SYNE2: variants seen among roughly 807,000 people sequenced by gnomAD.
SYNE2 encodes nesprin-2.
A neutral mutation model predicts 856.3 loss-of-function variants in SYNE2; 431 were observed. The ratio of observed to expected loss-of-function variants is 0.50; its 90% CI spans 0.47 to 0.55. The LOEUF is 0.55. Ranked by LOEUF, SYNE2 falls within the 20% of genes least tolerant of loss-of-function variation. The pLI, the probability that SYNE2 is intolerant of heterozygous loss-of-function variation, is 0.00. For missense variants in SYNE2, 8,129 were observed against 8,023.2 expected (o/e 1.01, Z -0.50); for synonymous variants, 2,923 against 2,872.3 (o/e 1.02, Z -0.56).
At chr14:64,124,682 A>G (rs956610351) in intron 70 of SYNE2, among the ~76,000 whole-genome samples, 2 of 152,232 alleles carry the variant, frequency 1.3e-5, no homozygotes, top group Admixed American at 1.3e-4. Flanking sequence ...AGAAGACAGC[A>G]TGCTAAGGCA....
At chr14:63,925,138 AAAAT>A (rs977988444) in intron 2 of SYNE2, among the ~76,000 whole-genome samples, 1 of 151,626 alleles carries the variant, frequency 6.6e-6, no homozygotes, top group Non-Finnish European at 1.5e-5. Flanking sequence ...CCTGTCTCTA[AAAAT>A]AAATAGATAG....
At chr14:63,835,801 T>C (rs894012929) in intron 1 of SYNE2, among the ~76,000 whole-genome samples, 5 of 151,980 alleles carry the variant, frequency 3.3e-5, no homozygotes, top group Admixed American at 6.6e-5. Flanking sequence ...CTCACCAACA[T>C]GGAGAAACCC....
chr14:64,128,171 C>T (rs1473299310), intron 73 of SYNE2, among the ~76,000 whole-genome samples: 6 of 151,930 alleles, frequency 3.9e-5, no homozygotes, highest in Admixed American at 1.3e-4. Context: ...TATACTGAAA[C>T]GTATACTGAT....
At chr14:64,186,675 C>G (rs1309463834) in intron 97 of SYNE2, 96 bp downstream of exon 97, 13 of 1,555,990 alleles carry the variant, frequency 8.4e-6, no homozygotes, top group Non-Finnish European at 1.1e-5. Flanking sequence ...TTCATTGAAC[C>G]GGAGGCCCTT....
chr14:64,058,332 T>C (rs1236289760), intron 49 of SYNE2, among the ~76,000 whole-genome samples: 1 of 152,202 alleles, frequency 6.6e-6, no homozygotes, highest in African/African-American at 2.4e-5. Flanking sequence ...TTTTTCTGGA[T>C]GAAGATATAG....
intron 109 of SYNE2, 84 bp from the exon 110 acceptor site, chr14:64,219,124 T>TTTTTTTTTTTAA: frequency 1.2e-6 from 1 of 845,414 alleles, no homozygotes; most frequent in Non-Finnish European, 1.8e-6. Flanking sequence ...TTTTTTTTTT[T>TTTTTTTTTTTAA]AACCACCCTG....
intron 1 of SYNE2, among the ~76,000 whole-genome samples, chr14:63,778,603 C>G (rs897472143): frequency 3.3e-5 from 5 of 152,104 alleles, no homozygotes; most frequent in African/African-American, 9.7e-5. Flanking sequence ...CAGCTTCAAC[C>G]TCCTGGGTTT....
chr14:64,101,738 G>A (rs2097731419), intron 63 of SYNE2, among the ~76,000 whole-genome samples, 194 bp from the exon 64 acceptor site: 1 of 152,136 alleles, frequency 6.6e-6, no homozygotes, highest in African/African-American at 2.4e-5. Context: ...TTTAGGAAGA[G>A]CAGCCACATT....
At chr14:64,202,128 G>A (rs1030973773) in intron 99 of SYNE2, 4 of 698,044 alleles carry the variant, frequency 5.7e-6, no homozygotes, top group South Asian at 3.0e-5. Context: ...AGACTGGCGA[G>A]GGAGATCACA....
intron 97 of SYNE2, 141 bp from the exon 98 acceptor site, chr14:64,188,409 G>A: frequency 1.1e-6 from 1 of 873,214 alleles, no homozygotes; most frequent in Non-Finnish European, 1.9e-6. Context: ...TAAACCCTAG[G>A]TTTAGAAGAG....
At chr14:63,889,129 G>A (rs1390141080) in intron 1 of SYNE2, among the ~76,000 whole-genome samples, 1 of 148,770 alleles carries the variant, frequency 6.7e-6, no homozygotes, top group African/African-American at 2.5e-5. Flanking sequence ...GTGGCATTTG[G>A]ATGGTGAAGC....
At chr14:63,893,691 A>G (rs2095189031) in intron 1 of SYNE2, among the ~76,000 whole-genome samples, 1 of 152,232 alleles carries the variant, frequency 6.6e-6, no homozygotes, top group African/African-American at 2.4e-5. Context: ...TAAAGATAAA[A>G]CAGCAAGCAA....
chr14:64,013,113 C>T (rs368005455), intron 32 of SYNE2, among the ~76,000 whole-genome samples: 1 of 152,170 alleles, frequency 6.6e-6, no homozygotes, highest in Non-Finnish European at 1.5e-5. Context: ...TCCTTCCATT[C>T]GCTGTAAAAC....
In SYNE2 at chr14:63,983,813, A is replaced by AAG. The variant is rs1162783765; in HGVS notation, c.2082_2083dup (p.Lys695ArgfsTer13). 1 of 1,610,390 alleles carries AAG rather than the reference A, an allele frequency of 6.2e-7. No individual in the cohort carries two copies. Among genetic ancestry groups the AAG allele is most frequent in the South Asian group, 1.1e-5 (1 of 90,804 alleles). ...AATTCTGGAAATATTCTATCTAAAGAAGAGAAAGCAACTGTTGAGTTTTCA... is the reference window on the plus strand; with the variant it reads ...AATTCTGGAAATATTCTATCTAAAGAAGAGAGAAAGCAACTGTTGAGTTTTCA... On this transcript the variant is annotated frameshift_variant, in exon 18 of 116. Transcript: ENST00000555002. LOFTEE classifies it high-confidence loss of function.
chr14:64,051,853 A>T lies in SYNE2; in HGVS notation c.7940A>T (p.Gln2647Leu), dbSNP rs1177392138. 1 of 1,614,106 alleles carries T rather than the reference A, an allele frequency of 6.2e-7. No individual in the cohort carries two copies. Among genetic ancestry groups the T allele is most frequent in the East Asian group, 2.2e-5 (1 of 44,882 alleles). The change falls in exon 48 of 116, where the codon CAA (glutamine) becomes CTA (leucine). Residue 2647 changes from glutamine to leucine, a missense_variant. By Grantham distance (113) the Gln-to-Leu change is moderately radical. Around this residue, in one of 3 missense-constraint regions of SYNE2, gnomAD observed 5,410 missense variants for 5,284.8 expected, o/e 1.02. Transcript: ENST00000555002. Reference sequence around the variant, plus strand: ...GAGATTTCTCTGCAACAGCAGCAGCAACATCTACAGTTAAGGCTGAAGTCT... The same window carrying T: ...GAGATTTCTCTGCAACAGCAGCAGCTACATCTACAGTTAAGGCTGAAGTCT... ...DTEISLQQQQ[Q>L]HLQLRLKSPE...
At chr14:63,937,995 T>C (rs767403656) in intron 2 of SYNE2, among the ~76,000 whole-genome samples, 1 of 152,058 alleles carries the variant, frequency 6.6e-6, no homozygotes, top group Non-Finnish European at 1.5e-5. Flanking sequence ...TGGAGATGCA[T>C]GAACTTGAGA....
chr14:64,048,450 A>G, intron 46 of SYNE2: 1 of 245,286 alleles, frequency 4.1e-6, no homozygotes, highest in Non-Finnish European at 7.9e-6. Flanking sequence ...TCTTACAAGT[A>G]TATATTCTTC....
intron 70 of SYNE2, among the ~76,000 whole-genome samples, chr14:64,124,377 A>ATTT (rs372149959): frequency 7.7e-6 from 1 of 130,098 alleles, no homozygotes; most frequent in Non-Finnish European, 1.7e-5. Context: ...TTTTTGTATA[A>ATTT]TTTTTTTTTT....
At chr14:64,091,758 C>T (rs1220351825) in intron 60 of SYNE2, among the ~76,000 whole-genome samples, 1 of 152,178 alleles carries the variant, frequency 6.6e-6, no homozygotes, top group African/African-American at 2.4e-5. Flanking sequence ...ATCACTCCCA[C>T]AAGAACAGAA....
Sources: gnomAD v4.1 joint callset for allele counts (sites outside exome capture counted in the v4.1 genomes callset) on GRCh38, gnomAD v4.1.1 for gene constraint, gnomAD v4.1.1 regional missense constraint, MANE v1.5 for transcripts, NCBI Gene and HGNC (gene_info 2026-07-23, HGNC 2026-07-21) for gene names.